Variants in PRSS54 observed in about 807,000 individuals in gnomAD.
The protein encoded by PRSS54 is inactive serine protease 54.
In PRSS54, 16 loss-of-function variants were observed where a neutral mutation model predicts 19.9. The observed-to-expected ratio is 0.80, with a 90% CI of 0.54 to 1.22. The LOEUF is 1.22. Ranked by LOEUF, PRSS54 falls within the 50% of genes most tolerant of loss-of-function variation. The pLI, the probability that PRSS54 is intolerant of heterozygous loss-of-function variation, is 0.00. For synonymous variants in PRSS54, 177 were observed against 195.8 expected (o/e 0.90, Z 0.80); for missense variants, 444 against 494.8 (o/e 0.90, Z 0.97).
At chr16:58,282,035 G>A (rs1212446422) in intron 6 of PRSS54, 1 of 141,506 alleles carries the variant, frequency 7.1e-6, no homozygotes, top group Non-Finnish European at 1.5e-5. Context: ...TTGAGATGGA[G>A]TCTTGCTCTG....
In PRSS54 at chr16:58,293,549, C is replaced by T. The variant is rs1340238777; in HGVS notation, c.85+183G>A. The T allele has an allele frequency of 1.7e-5, 17 of 985,424 alleles. No individual in the cohort carries two copies. The East Asian group carries it at 6.8e-4, about 39-fold the overall frequency. The allele number at this position is 985,424 out of a possible 1,614,324, so 61.0% of individuals were successfully genotyped here. On this transcript the variant is annotated intron_variant, in intron 3 of 6. Coordinates refer to ENST00000567164, the MANE Select transcript of PRSS54 (RefSeq NM_001305173.2). ...CCCTGACTTTAGTTTCCTCCATCCA[C>T]GTCCCATGATTCACTTCTTTGCCTG...
chr16:58,285,862 C>A (rs1964909936), intron 5 of PRSS54, 75 bp downstream of exon 5: 2 of 1,545,188 alleles, frequency 1.3e-6, no homozygotes, highest in Non-Finnish European at 1.8e-6. Flanking sequence ...TAAGATAGGC[C>A]CTAGATTGGA....
At chr16:58,293,954 T>C (rs1395936060) in intron 2 of PRSS54, 31 bp downstream of exon 2, 1 of 767,862 alleles carries the variant, frequency 1.3e-6, no homozygotes, top group African/African-American at 1.7e-5. Context: ...CTCTTTCTAC[T>C]AACAAAGGTT....
At chr16:58,284,320 A>C in intron 6 of PRSS54, 2 of 374,550 alleles carry the variant, frequency 5.3e-6, no homozygotes, top group Non-Finnish European at 1.0e-5. Flanking sequence ...GTTTGGACTC[A>C]GACTTTCAAA....
intron 3 of PRSS54, among the ~76,000 whole-genome samples, chr16:58,291,969 G>A (rs150848742): frequency 4.0e-5 from 6 of 151,678 alleles, no homozygotes; most frequent in East Asian, 3.9e-4. Flanking sequence ...CTACTCTGTC[G>A]CCCGGCTGGA....
intron 2 of PRSS54, 23 bp from the exon 3 acceptor site, chr16:58,293,845 C>A: frequency 6.3e-7 from 1 of 1,591,170 alleles, no homozygotes; most frequent in Non-Finnish European, 8.6e-7. Context: ...AACCCAATGA[C>A]TCCATCCTCT....
chr16:58,288,491 G>T (rs1298300623), intron 4 of PRSS54, among the ~76,000 whole-genome samples: 3 of 152,064 alleles, frequency 2.0e-5, no homozygotes, highest in Non-Finnish European at 1.5e-5. Context: ...TTGAGTCAAA[G>T]AGAAAATCAA....
At chr16:58,291,166 G>T in intron 3 of PRSS54, 30 bp from the exon 4 acceptor site, 1 of 1,605,716 alleles carries the variant, frequency 6.2e-7, no homozygotes, top group East Asian at 2.2e-5. Flanking sequence ...CCTCACTGCC[G>T]GGGCAAGGAG....
intron 3 of PRSS54, 72 bp from the exon 4 acceptor site, chr16:58,291,208 G>T: frequency 7.0e-7 from 1 of 1,423,756 alleles, no homozygotes; most frequent in Non-Finnish European, 9.6e-7. Flanking sequence ...TGGGCTGTCT[G>T]TCTCGATCAT....
chr16:58,291,626 C>T lies in PRSS54; in HGVS notation c.86-490G>A, dbSNP rs537436757. Among the ~76,000 whole-genome samples the T allele has an allele frequency of 2.2e-3, 342 of 152,020 alleles. 1 individual carries two copies. The highest frequency in any genetic ancestry group is 3.9e-3 in the Non-Finnish European group (263 of 67,968). On this transcript the variant is annotated intron_variant, in intron 3 of 6. Coordinates refer to ENST00000567164, the MANE Select transcript of PRSS54 (RefSeq NM_001305173.2). Reference sequence around the variant, plus strand: ...CCTCTGGAGTAGTTGTGACTACAGGCGCCTGCCACTACCCCCCGGCTAAAT... The same window carrying T: ...CCTCTGGAGTAGTTGTGACTACAGGTGCCTGCCACTACCCCCCGGCTAAAT...
Position 58,291,155 on chromosome 16 carries a change from G to A in PRSS54, c.86-19C>T, listed in dbSNP as rs765510712. ...CCACAACCTGCGGAGCAGGTGCGGG[G>A]CCTCACTGCCGGGGCAAGGAGACCT... On this transcript the variant is annotated intron_variant, in intron 3 of 6. Transcript: ENST00000567164. 6.2e-7 allele frequency: 1 copy of A among 1,611,060 alleles called. No individual in the cohort carries two copies. Among genetic ancestry groups the A allele is most frequent in the East Asian group, 2.2e-5 (1 of 44,878 alleles).
chr16:58,288,390 T>C (rs1457268153), intron 4 of PRSS54, among the ~76,000 whole-genome samples: 1 of 152,094 alleles, frequency 6.6e-6, no homozygotes, highest in African/African-American at 2.4e-5. Flanking sequence ...CGCACTGCTA[T>C]ACTGCAGCCT....
intron 6 of PRSS54, 50 bp from the exon 7 acceptor site, chr16:58,280,807 T>C: frequency 6.7e-7 from 1 of 1,494,114 alleles, no homozygotes; most frequent in Non-Finnish European, 9.0e-7. Context: ...TAGTTTTTGT[T>C]GTAAATCTAT....
chr16:58,281,623 C>G (rs1032793341), intron 6 of PRSS54: 1 of 152,278 alleles, frequency 6.6e-6, no homozygotes, highest in Admixed American at 6.5e-5. Flanking sequence ...GGGTGGTCAT[C>G]CCCAGGCTAG....
rs553018841 is a variant in PRSS54 at position 58,292,732 on chromosome 16, C to T, written c.85+1000G>A. Among the ~76,000 whole-genome samples the T allele has an allele frequency of 1.2e-4, 19 of 152,334 alleles. No individual in the cohort carries two copies. The South Asian group carries it at 1.7e-3, about 13-fold the overall frequency. On this transcript the variant is annotated intron_variant, in intron 3 of 6. Transcript: ENST00000567164. ...TTCTTTTTGGGACATTGGCAATCTA[C>T]GGTGCAAGGCATTTGCCAACCTTCC...
intron 4 of PRSS54, among the ~76,000 whole-genome samples, chr16:58,290,515 T>C (rs377025521): frequency 6.6e-6 from 1 of 152,248 alleles, no homozygotes; most frequent in African/African-American, 2.4e-5. Context: ...CATTCAGAGA[T>C]AAGCACTCTT....
intron 3 of PRSS54, among the ~76,000 whole-genome samples, chr16:58,291,847 A>G (rs1203526651): frequency 6.6e-6 from 1 of 152,226 alleles, no homozygotes; most frequent in Non-Finnish European, 1.5e-5. Flanking sequence ...ATTAATGTAT[A>G]GTAGAATTTT....
chr16:58,288,298 C>T lies in PRSS54; in HGVS notation c.264-2103G>A, dbSNP rs570820131. On this transcript the variant is annotated intron_variant, in intron 4 of 6. Coordinates refer to ENST00000567164, the MANE Select transcript of PRSS54 (RefSeq NM_001305173.2). ...AAAATTAGCTGGGCATGGTGGCATG[C>T]GCCTGTAGTCCCAGCTACTCGGGAG... Among the ~76,000 whole-genome samples the T allele has an allele frequency of 2.0e-4, 30 of 152,190 alleles. No homozygotes were observed. The South Asian group carries it at 4.1e-3, about 21-fold the overall frequency.
chr16:58,281,644 C>G (rs1964741830), intron 6 of PRSS54: 1 of 152,238 alleles, frequency 6.6e-6, no homozygotes, highest in South Asian at 2.1e-4. Flanking sequence ...CCAGCCACTT[C>G]TGACCTGTGT....
Sources: allele counts gnomAD v4.1 joint callset (sites outside exome capture counted in the v4.1 genomes callset), GRCh38; gene constraint gnomAD v4.1.1; transcripts MANE v1.5; gene names NCBI Gene and HGNC (gene_info 2026-07-23, HGNC 2026-07-21).